IQUB: variants seen among roughly 807,000 people sequenced by gnomAD.
IQUB encodes IQ motif and ubiquitin domain containing.
IQUB carries 86 observed loss-of-function variants against 86.4 expected under a neutral mutation model. That is an observed-to-expected ratio of 1.00 (90% CI 0.84 to 1.19). The LOEUF (loss-of-function observed/expected upper bound fraction) is 1.19, where lower values mean the gene tolerates loss of function less well. Ranked by LOEUF, IQUB falls within the 50% of genes most tolerant of loss-of-function variation. IQUB has a pLI of 0.00. For synonymous variants in IQUB, 289 were observed against 304.5 expected (o/e 0.95, Z 0.53); for missense variants, 946 against 916.9 (o/e 1.03, Z -0.41).
chr7:123,510,098 T>C (rs1180798570), intron 2 of IQUB, 63 bp from the exon 3 acceptor site: 6 of 1,022,406 alleles, frequency 5.9e-6, no homozygotes, highest in Non-Finnish European at 8.6e-6. Context: ...CAAACTACAG[T>C]CCACAAACAG....
chr7:123,468,247 T>C (rs1794350107), intron 9 of IQUB, among the ~76,000 whole-genome samples: 1 of 152,120 alleles, frequency 6.6e-6, no homozygotes, highest in South Asian at 2.1e-4. Context: ...GAGAAGGAAA[T>C]CTAAAATAGA....
intron 7 of IQUB, among the ~76,000 whole-genome samples, chr7:123,492,729 T>G (rs1367890965): frequency 6.6e-6 from 1 of 152,058 alleles, no homozygotes; most frequent in East Asian, 1.9e-4. Flanking sequence ...GAAGGGGTAG[T>G]TCTTACTCAC....
chr7:123,457,267 G>T (rs1403198240), intron 12 of IQUB, 114 bp downstream of exon 12: 1 of 1,447,486 alleles, frequency 6.9e-7, no homozygotes, highest in African/African-American at 1.5e-5. Flanking sequence ...CATAAGTTCT[G>T]TTTCTTAATC....
chr7:123,465,339 C>T (rs941990988), intron 9 of IQUB, among the ~76,000 whole-genome samples: 2 of 151,708 alleles, frequency 1.3e-5, no homozygotes, highest in African/African-American at 4.8e-5. Flanking sequence ...AAGATTTATA[C>T]AGAGGTGGTA....
intron 2 of IQUB, among the ~76,000 whole-genome samples, chr7:123,510,945 A>G (rs912889806): frequency 6.6e-6 from 1 of 152,170 alleles, no homozygotes; most frequent in Non-Finnish European, 1.5e-5. Flanking sequence ...TTCAGGAGGT[A>G]AAGGACCAAG....
chr7:123,474,524 T>A (rs1794667489), intron 8 of IQUB, among the ~76,000 whole-genome samples: 1 of 152,188 alleles, frequency 6.6e-6, no homozygotes, highest in Admixed American at 6.5e-5. Flanking sequence ...ATCAAAAGAC[T>A]AAAATTTATC....
chr7:123,523,677 T>C (rs1406251908), intron 1 of IQUB, among the ~76,000 whole-genome samples: 1 of 151,914 alleles, frequency 6.6e-6, no homozygotes, highest in Admixed American at 6.6e-5. Context: ...GATGGTAGTT[T>C]CTTTTGCTGT....
intron 3 of IQUB, among the ~76,000 whole-genome samples, chr7:123,505,244 C>A (rs774389778): frequency 1.3e-5 from 2 of 152,188 alleles, no homozygotes; most frequent in East Asian, 1.9e-4. Flanking sequence ...TGAGTGTCTG[C>A]GGCTTTGCCA....
chr7:123,504,258 G>A (rs1050894861), intron 3 of IQUB, among the ~76,000 whole-genome samples: 1 of 152,176 alleles, frequency 6.6e-6, no homozygotes, highest in Non-Finnish European at 1.5e-5. Flanking sequence ...TGACCAGCCT[G>A]TCCAACATGG....
Position 123,509,657 on chromosome 7 carries a change from T to C in IQUB, c.532+244A>G, listed in dbSNP as rs1047262588. Among the ~76,000 whole-genome samples the C allele has an allele frequency of 3.9e-5, 6 of 152,224 alleles. No homozygotes were observed. The East Asian group carries it at 1.2e-3, about 29-fold the overall frequency. The stretch of plus-strand genomic sequence containing the variant: ...TAGCTACTGCATGCATCTTCTTCCT[T>C]ACTAATCTGTAAACAATTTCAGAAC... On this transcript the variant is annotated intron_variant, in intron 3 of 12. Coordinates refer to ENST00000324698, the MANE Select transcript of IQUB (RefSeq NM_178827.5).
intron 11 of IQUB, 114 bp from the exon 12 acceptor site, chr7:123,457,680 T>TTA: frequency 3.8e-6 from 3 of 793,470 alleles, no homozygotes; most frequent in Non-Finnish European, 6.0e-6. Context: ...TATTATTCAC[T>TTA]AGGTTTCAAT....
intron 1 of IQUB, among the ~76,000 whole-genome samples, chr7:123,528,352 C>A (rs943784017): frequency 1.3e-5 from 2 of 152,192 alleles, no homozygotes; most frequent in Admixed American, 1.3e-4. Context: ...GAAAAAAATA[C>A]TTTTAAAATA....
intron 7 of IQUB, among the ~76,000 whole-genome samples, chr7:123,493,721 ATGTGTGTGTATGTGTGTGTGTG>A (rs1163873563): frequency 1.4e-3 from 174 of 128,404 alleles, no homozygotes; most frequent in African/African-American, 4.7e-3. Flanking sequence ...CCTGAGAGAA[ATGTGTGTGTATGTGTGTGTGTG>A]TGTGTGTGTG....
chr7:123,517,744 A>T (rs1796716090), intron 1 of IQUB, among the ~76,000 whole-genome samples: 1 of 152,048 alleles, frequency 6.6e-6, no homozygotes, highest in Non-Finnish European at 1.5e-5. Context: ...GTATCTAGTG[A>T]TTATTTTCAT....
intron 1 of IQUB, among the ~76,000 whole-genome samples, chr7:123,520,317 T>C (rs967736762): frequency 1.3e-5 from 2 of 152,148 alleles, no homozygotes; most frequent in Non-Finnish European, 2.9e-5. Context: ...GCTTATATTC[T>C]AGTGAGGAAA....
intron 8 of IQUB, 118 bp downstream of exon 8, chr7:123,479,677 C>T: frequency 1.3e-6 from 1 of 748,892 alleles, no homozygotes; most frequent in South Asian, 1.9e-5. Flanking sequence ...AATATGTCAT[C>T]AAAATCCTAA....
At position 123,510,004 on chromosome 7, in the gene IQUB, T is replaced by G; in HGVS notation, c.429A>C (p.Glu143Asp). ...VKVVLIPVGQ[E>D]IVIPFKVDTI... The stretch of plus-strand genomic sequence containing the variant: ...TATCAACCTTAAAAGGTATTACAAT[T>G]TCCTGGCCCACTGGAATAAGTACAA... The change falls in exon 3 of 13, where the codon GAA becomes GAC. Residue 143 changes from glutamate to aspartate, a missense_variant. By Grantham distance (45) the Glu-to-Asp change is conservative. Coordinates refer to ENST00000324698, the MANE Select transcript of IQUB (RefSeq NM_178827.5). 6.3e-7 allele frequency: 1 copy of G among 1,581,570 alleles called. No homozygotes were observed. The highest frequency in any genetic ancestry group is 8.6e-7 in the Non-Finnish European group (1 of 1,158,200).
At chr7:123,502,576 C>T (rs1165255755) in intron 6 of IQUB, 21 bp downstream of exon 6, 2 of 1,600,798 alleles carry the variant, frequency 1.2e-6, no homozygotes, top group Admixed American at 3.5e-5. Context: ...TAGTATTCAT[C>T]CACAATAAAA....
intron 7 of IQUB, among the ~76,000 whole-genome samples, chr7:123,489,819 A>C (rs1795379372): frequency 6.6e-6 from 1 of 152,000 alleles, no homozygotes; most frequent in African/African-American, 2.4e-5. Flanking sequence ...GAATGGAGAA[A>C]AGTTAATATC....
Sources: gnomAD v4.1 joint callset for allele counts (sites outside exome capture counted in the v4.1 genomes callset) on GRCh38, gnomAD v4.1.1 for gene constraint, MANE v1.5 for transcripts, NCBI Gene and HGNC (gene_info 2026-07-23, HGNC 2026-07-21) for gene names.